COL4A1: variants seen among roughly 807,000 people sequenced by gnomAD.
The protein encoded by COL4A1 is collagen type IV alpha 1 chain.
COL4A1 carries 40 observed loss-of-function variants against 216.6 expected under a neutral mutation model. That is an observed-to-expected ratio of 0.18 (90% CI 0.14 to 0.24). COL4A1 has a LOEUF of 0.24. Among genes scored for constraint, COL4A1 ranks in the 10% least tolerant of loss-of-function variants. COL4A1 has a pLI of 1.00. For missense variants in COL4A1, 1,628 were observed against 2,196.8 expected, an observed-to-expected ratio of 0.74 and a Z score of 5.18; for synonymous variants, 839 against 810.7, an observed-to-expected ratio of 1.03 and a Z score of -0.59.
intron 24 of COL4A1, among the ~76,000 whole-genome samples, chr13:110,190,262 CGTCT>C (rs1368105947): frequency 2.0e-5 from 3 of 151,920 alleles, no homozygotes; most frequent in Non-Finnish European, 4.4e-5. Flanking sequence ...TCTTTTGATC[CGTCT>C]CCCTGAAAAT....
chr13:110,167,534 C>T (rs920982804), intron 43 of COL4A1, among the ~76,000 whole-genome samples: 6 of 152,156 alleles, frequency 3.9e-5, no homozygotes, highest in South Asian at 2.1e-4. Context: ...GCTCACAGCA[C>T]GATGCCATAG....
intron 1 of COL4A1, among the ~76,000 whole-genome samples, chr13:110,290,010 G>A (rs1337692769): frequency 6.6e-6 from 1 of 152,210 alleles, no homozygotes; most frequent in Non-Finnish European, 1.5e-5. Flanking sequence ...GTGAAGGGAA[G>A]GGTTGGCTGA....
intron 1 of COL4A1, among the ~76,000 whole-genome samples, chr13:110,288,262 CAAAAA>C (rs67261918): frequency 3.5e-5 from 5 of 144,916 alleles, no homozygotes; most frequent in African/African-American, 1.3e-4. Context: ...AACTCCCTCT[CAAAAA>C]AAAAAAAAAT....
At chr13:110,251,276 GCCTTCACTTTCA>G (rs1882061196) in intron 1 of COL4A1, among the ~76,000 whole-genome samples, 1 of 152,204 alleles carries the variant, frequency 6.6e-6, no homozygotes, top group Non-Finnish European at 1.5e-5. Flanking sequence ...GTGGGCTTCT[GCCTTCACTTTCA>G]ACATCTGACT....
chr13:110,188,573 AG>A (rs1272753609), intron 24 of COL4A1, among the ~76,000 whole-genome samples: 1 of 152,372 alleles, frequency 6.6e-6, no homozygotes, highest in East Asian at 1.9e-4. Flanking sequence ...CTACTCAGCC[AG>A]AAAGTGCTGG....
At chr13:110,301,324 G>A (rs1032884566) in intron 1 of COL4A1, among the ~76,000 whole-genome samples, 2 of 152,180 alleles carry the variant, frequency 1.3e-5, no homozygotes, top group Non-Finnish European at 2.9e-5. Flanking sequence ...CTCTGTGTCG[G>A]GCACTCTCCC....
intron 1 of COL4A1, among the ~76,000 whole-genome samples, chr13:110,296,836 C>T (rs1425166426): frequency 2.0e-5 from 3 of 152,192 alleles, no homozygotes; most frequent in African/African-American, 7.2e-5. Context: ...GCTAGGAAGG[C>T]TCACAGAACT....
intron 41 of COL4A1, among the ~76,000 whole-genome samples, chr13:110,170,992 C>T (rs910086517): frequency 3.3e-5 from 5 of 152,220 alleles, no homozygotes; most frequent in South Asian, 2.1e-4. Context: ...ATACTTCTCA[C>T]GAGACGTGTT....
chr13:110,213,253 C>CA (rs938647952), intron 4 of COL4A1, among the ~76,000 whole-genome samples: 5 of 138,124 alleles, frequency 3.6e-5, no homozygotes, highest in Admixed American at 1.5e-4. Context: ...CCACCTGTAC[C>CA]AAAAAAAATT....
chr13:110,270,602 G>A (rs1173142612), intron 1 of COL4A1, among the ~76,000 whole-genome samples: 1 of 152,142 alleles, frequency 6.6e-6, no homozygotes, highest in Non-Finnish European at 1.5e-5. Flanking sequence ...TGAGGCTTAG[G>A]GTGGGGCAGA....
At chr13:110,185,467 G>GT (rs1180337803) in intron 26 of COL4A1, among the ~76,000 whole-genome samples, 1 of 152,178 alleles carries the variant, frequency 6.6e-6, no homozygotes, top group African/African-American at 2.4e-5. Flanking sequence ...AAATAACTAT[G>GT]TTTTTTAAGG....
intron 2 of COL4A1, among the ~76,000 whole-genome samples, chr13:110,227,186 A>C (rs1267163881): frequency 6.6e-6 from 1 of 152,186 alleles, no homozygotes; most frequent in Non-Finnish European, 1.5e-5. Flanking sequence ...TAATGTCAAT[A>C]GACTAAAATA....
intron 43 of COL4A1, 41 bp from the exon 44 acceptor site, chr13:110,167,271 G>A: frequency 6.8e-7 from 1 of 1,474,956 alleles, no homozygotes; most frequent in Non-Finnish European, 9.5e-7. Context: ...CTCAGGATAT[G>A]TAGGTTAAGT....
intron 49 of COL4A1, among the ~76,000 whole-genome samples, chr13:110,158,824 C>A (rs1876926158): frequency 6.6e-6 from 1 of 150,672 alleles, no homozygotes; most frequent in African/African-American, 2.5e-5. Flanking sequence ...CTCACTGCAA[C>A]CTCCGCCTGC....
chr13:110,177,189 A>C, intron 33 of COL4A1, 152 bp from the exon 34 acceptor site: 1 of 1,328,906 alleles, frequency 7.5e-7, no homozygotes, highest in Non-Finnish European at 1.0e-6. Flanking sequence ...CCAGTGTCTG[A>C]GACACAGAAG....
At chr13:110,169,525 CATAT>C in intron 43 of COL4A1, 100 bp downstream of exon 43, 10 of 1,501,552 alleles carry the variant, frequency 6.7e-6, no homozygotes, top group Non-Finnish European at 7.2e-6. Flanking sequence ...CACACACACA[CATAT>C]ATATACATAC....
Position 110,201,422 on chromosome 13 carries a change from A to C in COL4A1, c.1084+16T>G. On this transcript the variant is annotated intron_variant, in intron 19 of 51. Transcript: ENST00000375820. Reference sequence around the variant, plus strand: ...AGGGGGAGTAGGAGGAGGGGGGAAAAAGGCAAGAAAGCTACCTTTTGGGCC... The same window carrying C: ...AGGGGGAGTAGGAGGAGGGGGGAAACAGGCAAGAAAGCTACCTTTTGGGCC... The C allele has an allele frequency of 6.2e-7, 1 of 1,609,982 alleles. No individual in the cohort carries two copies. Among genetic ancestry groups the C allele is most frequent in the Non-Finnish European group, 8.5e-7 (1 of 1,178,782 alleles).
rs943324920 is a variant in COL4A1 at position 110,225,024 on chromosome 13, CCTTT to C, written c.145-11013_145-11010del. Among the ~76,000 whole-genome samples the C allele has an allele frequency of 1.4e-4, 21 of 152,252 alleles. 1 individual carries two copies. The highest frequency in any genetic ancestry group is 9.8e-4 in the Admixed American group (15 of 15,294). ...ATTGCTCATTGGCAATTAAGAAAAA[CCTTT>C]CTTTTTTTTTTCCTTAAAAATGTGT... On this transcript the variant is annotated intron_variant, in intron 2 of 51. Coordinates refer to ENST00000375820, the MANE Select transcript of COL4A1 (RefSeq NM_001845.6).
At chr13:110,185,548 G>A (rs1878362217) in intron 26 of COL4A1, among the ~76,000 whole-genome samples, 1 of 148,882 alleles carries the variant, frequency 6.7e-6, no homozygotes, top group African/African-American at 2.5e-5. Context: ...ATGTTTCCTA[G>A]CAACGCGCAT....
Sources: gnomAD v4.1 joint callset for allele counts (sites outside exome capture counted in the v4.1 genomes callset) on GRCh38, gnomAD v4.1.1 for gene constraint, MANE v1.5 for transcripts, NCBI Gene and HGNC (gene_info 2026-07-23, HGNC 2026-07-21) for gene names.